WNT10A: variants seen among roughly 807,000 people sequenced by gnomAD.
WNT10A encodes the protein Wnt family member 10A, also known as protein Wnt-10a.
A neutral mutation model predicts 36.1 loss-of-function variants in WNT10A; 37 were observed. The ratio of observed to expected loss-of-function variants is 1.02; its 90% CI spans 0.79 to 1.35. The LOEUF is 1.35. WNT10A is among the 40% of genes most tolerant of loss of function. WNT10A has a pLI of 0.00. For synonymous variants in WNT10A, 255 were observed against 254.1 expected, an observed-to-expected ratio of 1.00 and a Z score of -0.03; for missense variants, 613 against 601.4, an observed-to-expected ratio of 1.02 and a Z score of -0.20.
upstream of WNT10A, among the ~76,000 whole-genome samples, chr2:218,877,672 G>A (rs1015466296): frequency 2.6e-5 from 4 of 152,204 alleles, no homozygotes; most frequent in Admixed American, 6.5e-5. The surrounding 1 kb of genome is among the most constrained non-coding windows in gnomAD (Gnocchi z 4.1). Context: ...TGAGGAGGCC[G>A]AGTGGAAGGC....
upstream of WNT10A, among the ~76,000 whole-genome samples, chr2:218,878,950 T>G (rs1944478203): frequency 6.6e-6 from 1 of 152,178 alleles, no homozygotes; most frequent in African/African-American, 2.4e-5. This position sits in a 1 kb window ranked among gnomAD's most constrained non-coding sequence, Gnocchi z 4.1. Context: ...TGTCCCCGTT[T>G]CTGCAGCATG....
At chr2:218,879,645 G>GGGGCCAGGGA (rs1944486974), upstream of WNT10A, among the ~76,000 whole-genome samples, 1 of 152,218 alleles carries the variant, frequency 6.6e-6, no homozygotes, top group South Asian at 2.1e-4. Context: ...ATGTGCAGGT[G>GGGGCCAGGGA]GGGCCAGGGA....
upstream of WNT10A, chr2:218,880,799 C>G (rs1944502186): frequency 3.9e-6 from 2 of 513,998 alleles, no homozygotes; most frequent in Admixed American, 4.3e-5. The surrounding 1 kb of genome is among the most constrained non-coding windows in gnomAD (Gnocchi z 7.7). Context: ...CCCCCGCCCC[C>G]CCCGAGGGCG....
intron 3 of WNT10A, 144 bp from the exon 4 acceptor site, chr2:218,892,630 C>A: frequency 7.6e-7 from 1 of 1,324,454 alleles, no homozygotes; most frequent in Non-Finnish European, 1.0e-6. Flanking sequence ...GTTCTTCTGA[C>A]TGCCTGGTTG....
intron 1 of WNT10A, among the ~76,000 whole-genome samples, chr2:218,881,855 T>C (rs1284466709): frequency 2.6e-5 from 4 of 152,280 alleles, no homozygotes; most frequent in Middle Eastern, 3.4e-3. Context: ...GAACCCTGTG[T>C]GTATGGGCAT....
At chr2:218,881,131 G>C in intron 1 of WNT10A, 23 bp downstream of exon 1, 1 of 1,572,282 alleles carries the variant, frequency 6.4e-7, no homozygotes, top group East Asian at 2.3e-5. Context: ...CTCATGCTCC[G>C]CCCTCCTAGA....
At chr2:218,877,867 G>A (rs371859705), upstream of WNT10A, among the ~76,000 whole-genome samples, 31 of 152,298 alleles carry the variant, frequency 2.0e-4, no homozygotes, top group East Asian at 1.9e-3. The surrounding 1 kb of genome is among the most constrained non-coding windows in gnomAD (Gnocchi z 4.1). Flanking sequence ...GCTCCTTGGC[G>A]TTCTTCTTCA....
chr2:218,886,500 CCCCAGCCCCTT>C (rs1944578869), intron 2 of WNT10A, among the ~76,000 whole-genome samples: 1 of 152,218 alleles, frequency 6.6e-6, no homozygotes, highest in East Asian at 1.9e-4. Flanking sequence ...AAACCTCCTC[CCCCAGCCCCTT>C]CCCAGCCGTT....
At position 218,893,439 on chromosome 2, in the gene WNT10A, T is replaced by C; in HGVS notation, c.*168T>C. 1.0e-6 allele frequency: 1 copy of C among 968,602 alleles called. No individual in the cohort carries two copies. Among genetic ancestry groups the C allele is most frequent in the Non-Finnish European group, 1.5e-6 (1 of 681,802 alleles). The allele number at this position is 968,602 out of a possible 1,614,324, so 60.0% of individuals were successfully genotyped here. A position where few individuals can be genotyped will look rare whatever the true frequency, so the allele number is the denominator to read the frequency against. On this transcript the variant is annotated 3_prime_UTR_variant, in exon 4 of 4. Coordinates refer to ENST00000258411, the MANE Select transcript of WNT10A (RefSeq NM_025216.3). This position sits in a 1 kb window ranked among gnomAD's most constrained non-coding sequence, Gnocchi z 6.3. Reference sequence around the variant, plus strand: ...TCTGAGGTCTGTGATCGCCGGACAGTCCAGGCCTGTCTGAACCCCACCACT... The same window carrying C: ...TCTGAGGTCTGTGATCGCCGGACAGCCCAGGCCTGTCTGAACCCCACCACT...
chr2:218,880,758 C>G (rs1013876978), upstream of WNT10A: 6 of 475,356 alleles, frequency 1.3e-5, no homozygotes, highest in African/African-American at 1.0e-4. This position sits in a 1 kb window ranked among gnomAD's most constrained non-coding sequence, Gnocchi z 7.7. Context: ...GACCCCTGTG[C>G]CAGGAGGTGC....
upstream of WNT10A, among the ~76,000 whole-genome samples, chr2:218,876,166 A>G (rs530036609): frequency 1.9e-4 from 29 of 152,318 alleles, no homozygotes; most frequent in African/African-American, 6.7e-4. Flanking sequence ...GTTGTCTCCA[A>G]CAGAAGTCCC....
chr2:218,893,609 C>T lies in WNT10A; in HGVS notation c.*338C>T, dbSNP rs1223085900. 1 of 296,834 alleles carries T rather than the reference C, an allele frequency of 3.4e-6. No homozygotes were observed. Among genetic ancestry groups the T allele is most frequent in the Non-Finnish European group, 6.2e-6 (1 of 161,060 alleles). The allele number at this position is 296,834 out of a possible 1,614,324, so 18.4% of individuals were successfully genotyped here. On this transcript the variant is annotated 3_prime_UTR_variant, in exon 4 of 4. Coordinates refer to ENST00000258411, the MANE Select transcript of WNT10A (RefSeq NM_025216.3). The surrounding 1 kb of genome is among the most constrained non-coding windows in gnomAD (Gnocchi z 6.3). ...TCTGTCTCCATCCTTTCACCCCTTC[C>T]CTGGAGATGGGAGGTGGGGAATGAA...
upstream of WNT10A, chr2:218,880,684 CG>C: frequency 3.2e-6 from 1 of 309,912 alleles, no homozygotes. This position sits in a 1 kb window ranked among gnomAD's most constrained non-coding sequence, Gnocchi z 7.7. Context: ...GCTGCACCTC[CG>C]GGCCCCCCTT....
In WNT10A at chr2:218,893,087, C is replaced by T. The variant is rs750190755; in HGVS notation, c.1070C>T (p.Thr357Ile). 8 of 1,596,396 alleles carry T rather than the reference C, an allele frequency of 5.0e-6. No homozygotes were observed. The East Asian group carries it at 1.8e-4, about 36-fold the overall frequency. ...GAGCCGCGCCTGGACTCGGCGGGCA[C>T]CGTGGGCCGCCTGTGCAACAAGAGC... is the stretch of plus-strand genomic sequence containing the variant. ...EREPRLDSAG[T>I]VGRLCNKSSA... The change falls in exon 4 of 4, where the codon ACC becomes ATC. Residue 357 changes from threonine to isoleucine, a missense_variant. Coordinates refer to ENST00000258411, the MANE Select transcript of WNT10A (RefSeq NM_025216.3). The surrounding 1 kb of genome is among the most constrained non-coding windows in gnomAD (Gnocchi z 6.3).
intron 2 of WNT10A, among the ~76,000 whole-genome samples, 191 bp from the exon 3 acceptor site, chr2:218,889,793 C>T (rs1944623706): frequency 6.6e-6 from 1 of 152,214 alleles, no homozygotes; most frequent in Non-Finnish European, 1.5e-5. Flanking sequence ...TCCCTCCCAC[C>T]CCACCAGGTT....
At chr2:218,885,172 G>A (rs1436530890) in intron 2 of WNT10A, among the ~76,000 whole-genome samples, 1 of 152,202 alleles carries the variant, frequency 6.6e-6, no homozygotes, top group Non-Finnish European at 1.5e-5. Flanking sequence ...TGGAGCCTAG[G>A]CCATGGGGGA....
intron 2 of WNT10A, among the ~76,000 whole-genome samples, chr2:218,882,773 A>G (rs1192167354): frequency 6.6e-6 from 1 of 152,130 alleles, no homozygotes; most frequent in Non-Finnish European, 1.5e-5. Flanking sequence ...AGTAAACCAC[A>G]TTTAGGATGG....
Position 218,893,051 on chromosome 2 carries a change from T to G in WNT10A, c.1034T>G (p.Phe345Cys). 6.3e-7 allele frequency: 1 copy of G among 1,596,312 alleles called. No individual in the cohort carries two copies. ...DLVYFEKSPD[F>C]CEREPRLDSA... The stretch of plus-strand genomic sequence containing the variant: ...GTCTACTTCGAAAAGTCTCCCGACT[T>G]CTGCGAGCGCGAGCCGCGCCTGGAC... The change falls in exon 4 of 4, where the codon TTC becomes TGC. Residue 345 changes from phenylalanine (F) to cysteine (C), a missense_variant. Phe to Cys is a radical substitution (Grantham distance 205). Transcript: ENST00000258411. This position sits in a 1 kb window ranked among gnomAD's most constrained non-coding sequence, Gnocchi z 6.3.
Position 218,893,209 on chromosome 2 carries a change from T to G in WNT10A, c.1192T>G (p.Trp398Gly). The G allele has an allele frequency of 2.5e-6, 4 of 1,574,702 alleles. No individual in the cohort carries two copies. The highest frequency in any genetic ancestry group is 3.4e-6 in the Non-Finnish European group (4 of 1,166,506). ...CGAGCGCTGCCACTGCCGCTTCCACTGGTGCTGTTTCGTGGTCTGCGAAGA... is the reference window on the plus strand; with the variant it reads ...CGAGCGCTGCCACTGCCGCTTCCACGGGTGCTGTTTCGTGGTCTGCGAAGA... ...RSERCHCRFHWCCFVVCEECR... is the reference protein window; with the variant it reads ...RSERCHCRFHGCCFVVCEECR... Residue 398 changes from tryptophan to glycine, a missense_variant, in exon 4 of 4, where the codon TGG (tryptophan) becomes GGG (glycine). Coordinates refer to ENST00000258411, the MANE Select transcript of WNT10A (RefSeq NM_025216.3). This position sits in a 1 kb window ranked among gnomAD's most constrained non-coding sequence, Gnocchi z 6.3.
Sources: allele counts gnomAD v4.1 joint callset (sites outside exome capture counted in the v4.1 genomes callset), GRCh38; gene constraint gnomAD v4.1.1; non-coding constraint Gnocchi (gnomAD v3.1); transcripts MANE v1.5; gene names NCBI Gene and HGNC (gene_info 2026-07-23, HGNC 2026-07-21).